Variants in NGFR observed in about 807,000 individuals in gnomAD.
NGFR encodes tumor necrosis factor receptor superfamily member 16.
In NGFR, 30 loss-of-function variants were observed where a neutral mutation model predicts 43.2. The observed-to-expected ratio is 0.69, with a 90% CI of 0.52 to 0.94. NGFR has a LOEUF of 0.94. Ranked by LOEUF, NGFR falls within the 40% of genes least tolerant of loss-of-function variation. The pLI, the probability that NGFR is intolerant of heterozygous loss-of-function variation, is 0.00. For synonymous variants in NGFR, 246 were observed against 259.6 expected, an observed-to-expected ratio of 0.95 and a Z score of 0.50; for missense variants, 529 against 602.5, an observed-to-expected ratio of 0.88 and a Z score of 1.28.
At chr17:49,500,504 T>C (rs1266768756) in intron 1 of NGFR, among the ~76,000 whole-genome samples, 1 of 152,214 alleles carries the variant, frequency 6.6e-6, no homozygotes, top group East Asian at 1.9e-4. Context: ...GAGAACAGGC[T>C]GGATGCGTAA....
intron 1 of NGFR, 64 bp from the exon 2 acceptor site, chr17:49,501,999 A>ATGGCCCCCCCCCCCCCCCCCCCCCCC: frequency 3.0e-6 from 1 of 330,984 alleles, no homozygotes; most frequent in Non-Finnish European, 5.9e-6. Context: ...TCCCCGGAAG[A>ATGGCCCCCCCCCCCCCCCCCCCCCCC]ACCCCCCCCA....
chr17:49,502,489 T>A (rs1310030818), intron 2 of NGFR, among the ~76,000 whole-genome samples: 1 of 151,694 alleles, frequency 6.6e-6, no homozygotes, highest in Non-Finnish European at 1.5e-5. Context: ...GGTAGAAGAG[T>A]GTGGCTGGGC....
chr17:49,500,220 G>A lies in NGFR; in HGVS notation c.67-1843G>A, dbSNP rs186847824. Among the ~76,000 whole-genome samples the A allele has an allele frequency of 2.3e-4, 35 of 152,364 alleles. 1 individual carries two copies. The highest frequency in any genetic ancestry group is 7.7e-4 in the African/African-American group (32 of 41,592). The stretch of plus-strand genomic sequence containing the variant: ...GAAGCTTTGCTCCAGAGACAGGGAA[G>A]GGTGCAGCCACCATGGTGAAAAGCA... On this transcript the variant is annotated intron_variant, in intron 1 of 5. Transcript: ENST00000172229.
chr17:49,514,366 A>T lies in NGFR; in HGVS notation c.*1357A>T, dbSNP rs2071256140. The T allele has an allele frequency of 6.5e-6, 1 of 152,702 alleles. No homozygotes were observed. Among genetic ancestry groups the T allele is most frequent in the Non-Finnish European group, 1.5e-5 (1 of 68,342 alleles). The allele number at this position is 152,702 out of a possible 1,614,324, so 9.5% of individuals were successfully genotyped here. On this transcript the variant is annotated 3_prime_UTR_variant, in exon 6 of 6. Coordinates refer to ENST00000172229, the MANE Select transcript of NGFR (RefSeq NM_002507.4). ...TGGGCCAGTGTGGGAATGCGGCAAG[A>T]AGGAATTGACTTCGACTGTGACCTG...
At chr17:49,496,651 C>G (rs577225857) in intron 1 of NGFR, 1 of 152,352 alleles carries the variant, frequency 6.6e-6, no homozygotes, top group South Asian at 2.1e-4. Context: ...CCGCTCCCCA[C>G]CTAGCTGCGC....
intron 1 of NGFR, chr17:49,497,945 G>A (rs117490251): frequency 0.011 from 1,666 of 152,498 alleles, 18 homozygotes; most frequent in Non-Finnish European, 0.017. Flanking sequence ...TGGGGAGGCG[G>A]GAATAATCGC....
At position 49,512,603 on chromosome 17, in the gene NGFR, TG is replaced by T; in HGVS notation, c.983-101del. The T allele has an allele frequency of 2.9e-6, 4 of 1,395,050 alleles. No homozygotes were observed. Among genetic ancestry groups the T allele is most frequent in the Non-Finnish European group, 2.9e-6 (3 of 1,030,482 alleles). 86.4% of individuals were successfully genotyped at this position (1,395,050 alleles called of 1,614,324 possible). ...CTTGTCTTGGCCCCAGGCCTCCAGA[TG>T]GGGAGGAGCACTGCCTCGGCCCTTC... On this transcript the variant is annotated intron_variant, in intron 5 of 5. Coordinates refer to ENST00000172229, the MANE Select transcript of NGFR (RefSeq NM_002507.4). This position sits in a 1 kb window ranked among gnomAD's most constrained non-coding sequence, Gnocchi z 5.2.
At chr17:49,501,999 A>ATGGGGCCCCCCCCCCCCC in intron 1 of NGFR, 64 bp from the exon 2 acceptor site, 2 of 330,982 alleles carry the variant, frequency 6.0e-6, no homozygotes, top group Non-Finnish European at 1.2e-5. Flanking sequence ...TCCCCGGAAG[A>ATGGGGCCCCCCCCCCCCC]ACCCCCCCCA....
At chr17:49,500,510 C>T (rs601910) in intron 1 of NGFR, among the ~76,000 whole-genome samples, 55,507 of 152,076 alleles carry the variant, frequency 0.36, 10,467 homozygotes, top group South Asian at 0.4. Flanking sequence ...AGGCTGGATG[C>T]GTAACATGGC....
At position 49,513,002 on chromosome 17, in the gene NGFR, C is replaced by T. The variant is rs574245308; in HGVS notation, c.1277C>T (p.Pro426Leu). 1.6e-4 allele frequency: 244 copies of T among 1,557,764 alleles called. No individual in the cohort carries two copies. Among genetic ancestry groups the T allele is most frequent in the Non-Finnish European group, 1.7e-4 (190 of 1,149,522 alleles). Residue 426 changes from proline to leucine, a missense_variant, in exon 6 of 6, where the codon CCG becomes CTG. Coordinates refer to ENST00000172229, the MANE Select transcript of NGFR (RefSeq NM_002507.4). ...SLCSESTATS[P>L]V The stretch of plus-strand genomic sequence containing the variant: ...TGCAGTGAGTCCACTGCCACATCCC[C>T]GGTGTGAGCCCAACCGGGGAGCCCC...
At position 49,513,345 on chromosome 17, in the gene NGFR, T is replaced by TG. The variant is rs1185539311; in HGVS notation, c.*342dup. On this transcript the variant is annotated 3_prime_UTR_variant, in exon 6 of 6. Coordinates refer to ENST00000172229, the MANE Select transcript of NGFR (RefSeq NM_002507.4). Reference sequence around the variant, plus strand: ...CTCCCACCACAGCAGGTGTCATATATGGGGGGCCAACACCAGGGATGGTAC... The same window carrying TG: ...CTCCCACCACAGCAGGTGTCATATATGGGGGGGCCAACACCAGGGATGGTAC... 2.2e-5 allele frequency: 7 copies of TG among 319,742 alleles called. No individual in the cohort carries two copies. The highest frequency in any genetic ancestry group is 1.3e-4 in the African/African-American group (6 of 47,216). 19.8% of individuals were successfully genotyped at this position (319,742 alleles called of 1,614,324 possible).
rs779391823 is a variant in NGFR, at chr17:49,506,406, G to C, written c.316G>C (p.Val106Leu). 1.9e-6 allele frequency: 3 copies of C among 1,604,022 alleles called. No homozygotes were observed. The highest frequency in any genetic ancestry group is 2.5e-6 in the Non-Finnish European group (3 of 1,177,832). The change falls in exon 3 of 6, where the codon GTG becomes CTG. Residue 106 changes from valine to leucine, a missense_variant. Transcript: ENST00000172229. The part of the protein sequence containing the change: ...SAPCVEADDA[V>L]CRCAYGYYQD... ...GCCGTGCGTGGAGGCCGACGACGCC[G>C]TGTGCCGCTGCGCCTACGGCTACTA...
At chr17:49,510,336 G>T in intron 3 of NGFR, 76 bp from the exon 4 acceptor site, 1 of 1,576,088 alleles carries the variant, frequency 6.3e-7, no homozygotes, top group Admixed American at 1.7e-5. Flanking sequence ...GACACAGGAA[G>T]AACACGGCAG....
chr17:49,504,778 T>C (rs1297341395), intron 2 of NGFR, among the ~76,000 whole-genome samples: 42 of 142,074 alleles, frequency 3.0e-4, no homozygotes, highest in Non-Finnish European at 4.8e-4. Context: ...TCTTTTTTTT[T>C]TTTTTTTTTT....
chr17:49,510,826 A>T (rs2071227182), intron 4 of NGFR, 162 bp downstream of exon 4: 2 of 847,954 alleles, frequency 2.4e-6, no homozygotes, highest in African/African-American at 3.4e-5. Context: ...GCAGCAGGTC[A>T]GCAGGAGGTG....
At chr17:49,510,941 TGC>T in intron 4 of NGFR, 6 of 470,440 alleles carry the variant, frequency 1.3e-5, no homozygotes, top group Admixed American at 6.9e-5. Context: ...CACCCCCAAC[TGC>T]TTGTGTCCTC....
At position 49,513,532 on chromosome 17, in the gene NGFR, C is replaced by G. The variant is rs558274908; in HGVS notation, c.*523C>G. ...CACCCCAGCCTAAGATGAAGAGGAT[C>G]GGAGGCTTGTCAGAGCTGGGAGGGG... On this transcript the variant is annotated 3_prime_UTR_variant, in exon 6 of 6. Coordinates refer to ENST00000172229, the MANE Select transcript of NGFR (RefSeq NM_002507.4). 6.5e-6 allele frequency: 1 copy of G among 154,688 alleles called. No homozygotes were observed. The highest frequency in any genetic ancestry group is 1.9e-4 in the East Asian group (1 of 5,214). The allele number at this position is 154,688 out of a possible 1,614,324, so 9.6% of individuals were successfully genotyped here.
chr17:49,512,514 T>C lies in NGFR; in HGVS notation c.983-194T>C, dbSNP rs1172715807. ...GATGGGGATAGGGATTGGGCTGGAG[T>C]GACAGGAGGAAGGGACAACGAGTCC... On this transcript the variant is annotated intron_variant, in intron 5 of 5. Transcript: ENST00000172229. The surrounding 1 kb of genome is among the most constrained non-coding windows in gnomAD (Gnocchi z 5.2). 6.6e-6 allele frequency among the ~76,000 whole-genome samples: 1 copy of C among 151,338 alleles called. No individual in the cohort carries two copies. The highest frequency in any genetic ancestry group is 1.9e-4 in the East Asian group (1 of 5,150).
At chr17:49,498,869 T>C (rs1486210649) in intron 1 of NGFR, among the ~76,000 whole-genome samples, 1 of 152,168 alleles carries the variant, frequency 6.6e-6, no homozygotes, top group Non-Finnish European at 1.5e-5. Context: ...CCTCCCTACT[T>C]GGCTAAACTC....
Sources: gnomAD v4.1 joint callset for allele counts (sites outside exome capture counted in the v4.1 genomes callset) on GRCh38, gnomAD v4.1.1 for gene constraint, Gnocchi (gnomAD v3.1) non-coding constraint, MANE v1.5 for transcripts, NCBI Gene and HGNC (gene_info 2026-07-23, HGNC 2026-07-21) for gene names.